MTSS2: variants seen among roughly 807,000 people sequenced by gnomAD.
MTSS2 encodes MTSS I-BAR domain containing 2, also known as protein MTSS 2.
A neutral mutation model predicts 67.1 loss-of-function variants in MTSS2; 27 were observed. The ratio of observed to expected loss-of-function variants is 0.40; its 90% CI spans 0.30 to 0.55. The LOEUF (loss-of-function observed/expected upper bound fraction) is 0.55, where lower values mean the gene tolerates loss of function less well. MTSS2 is among the 20% of genes least tolerant of loss of function. The pLI is 0.43. For synonymous variants in MTSS2, 624 were observed against 468.6 expected (o/e 1.33, Z -4.28); for missense variants, 1,171 against 1,067.8 (o/e 1.10, Z -1.35).
chr16:70,673,539 A>G (rs2053011226), intron 11 of MTSS2, among the ~76,000 whole-genome samples: 1 of 152,252 alleles, frequency 6.6e-6, no homozygotes, highest in South Asian at 2.1e-4. Flanking sequence ...ACAACTACAG[A>G]TCTATTCTAA....
intron 1 of MTSS2, among the ~76,000 whole-genome samples, chr16:70,685,205 G>A (rs1001749150): frequency 6.6e-6 from 1 of 152,124 alleles, no homozygotes; most frequent in African/African-American, 2.4e-5. Context: ...GGGCTGTGGG[G>A]GTGGGGCGGG....
At chr16:70,683,248 G>C (rs1308314557) in intron 1 of MTSS2, among the ~76,000 whole-genome samples, 1 of 150,924 alleles carries the variant, frequency 6.6e-6, no homozygotes. Context: ...AGGGCCCCCT[G>C]TCTGAGCCTC....
Position 70,664,094 on chromosome 16 carries a change from C to T in MTSS2, c.1827G>A (p.Arg609=), listed in dbSNP as rs148604621. ...PDSPGYMGPT[R]AGSEECVFYT... ...AGAAGACGCACTCCTCACTGCCCGC[C>T]CGTGTGGGCCCCATGTAGCCGGGGG... Residue 609 remains arginine (R), a synonymous_variant, in exon 15 of 15, where the codon CGG becomes CGA. Transcript: ENST00000338779. 2.3e-4 allele frequency: 377 copies of T among 1,611,914 alleles called. 1 individual carries two copies. The Middle Eastern group carries it at 4.3e-3, about 18-fold the overall frequency.
chr16:70,664,356 T>G lies in MTSS2; in HGVS notation c.1565A>C (p.Asn522Thr), dbSNP rs768090891. Residue 522 changes from asparagine to threonine, a missense_variant, in exon 15 of 15, where the codon AAC becomes ACC. Coordinates refer to ENST00000338779, the MANE Select transcript of MTSS2 (RefSeq NM_138383.3). ...CAGGCGGCGGTAGTTCTGGGCGATGTTGCTGTTGCGCGGGATGGTGGATGA... is the reference window on the plus strand; with the variant it reads ...CAGGCGGCGGTAGTTCTGGGCGATGGTGCTGTTGCGCGGGATGGTGGATGA... ...DKSSTIPRNS[N>T]IAQNYRRLIQ... 5 of 1,596,128 alleles carry G rather than the reference T, an allele frequency of 3.1e-6. No homozygotes were observed. The South Asian group carries it at 4.5e-5, about 14-fold the overall frequency.
intron 9 of MTSS2, 52 bp downstream of exon 9, chr16:70,677,740 C>A (rs563236648): frequency 4.2e-5 from 59 of 1,407,814 alleles, no homozygotes; most frequent in Non-Finnish European, 5.8e-5. Flanking sequence ...CCTAGGGCAG[C>A]CCATCTCCTC....
At chr16:70,677,666 C>A in intron 9 of MTSS2, 126 bp downstream of exon 9, 1 of 715,174 alleles carries the variant, frequency 1.4e-6, no homozygotes, top group Non-Finnish European at 2.3e-6. Context: ...CAGAAGGGGT[C>A]TGGTCTTATG....
At chr16:70,674,113 T>A (rs78943085) in intron 11 of MTSS2, among the ~76,000 whole-genome samples, 193 bp downstream of exon 11, 4,734 of 152,276 alleles carry the variant, frequency 0.031, 184 homozygotes, top group African/African-American at 0.087. Context: ...GATATAAAGA[T>A]ATGTGAATTT....
intron 10 of MTSS2, among the ~76,000 whole-genome samples, chr16:70,675,352 G>A (rs937427265): frequency 2.0e-5 from 3 of 152,048 alleles, no homozygotes; most frequent in African/African-American, 7.2e-5. Context: ...GAACCCGGGA[G>A]GTCGAGGCCA....
chr16:70,679,789 T>A lies in MTSS2; in HGVS notation c.379A>T (p.Lys127Ter). Residue 127 changes from lysine to a stop codon, truncating the protein, a stop_gained, in exon 5 of 15, where the codon AAA (lysine) becomes TAA (stop). Transcript: ENST00000338779. LOFTEE classifies it high-confidence loss of function. ...CCCGGCTCCGCGCCACCCTCACCTT[T>A]CGCGTGGTCCTTGTCCAGCTGGTTG... ...AANQLDKDHA[K>*]EYKRARHEIK... The A allele has an allele frequency of 6.2e-7, 1 of 1,611,410 alleles. No homozygotes were observed. Among genetic ancestry groups the A allele is most frequent in the Non-Finnish European group, 8.5e-7 (1 of 1,179,600 alleles).
chr16:70,669,761 G>A (rs2052857573), intron 11 of MTSS2, among the ~76,000 whole-genome samples: 2 of 150,572 alleles, frequency 1.3e-5, no homozygotes, highest in South Asian at 4.2e-4. Flanking sequence ...AGGTTGCAGT[G>A]AGCTGAGATC....
Position 70,664,931 on chromosome 16 carries a change from T to C in MTSS2, c.1294A>G (p.Ile432Val). The C allele has an allele frequency of 6.4e-7, 1 of 1,552,272 alleles. No homozygotes were observed. The highest frequency in any genetic ancestry group is 1.2e-5 in the South Asian group (1 of 84,896). Residue 432 changes from isoleucine to valine, a missense_variant, in exon 13 of 15, where the codon ATC becomes GTC. Physicochemically the swap from Ile to Val is conservative, Grantham distance 29. Around this residue, in one of 2 missense-constraint regions of MTSS2, gnomAD observed 924 missense variants for 756.0 expected, o/e 1.22. Coordinates refer to ENST00000338779, the MANE Select transcript of MTSS2 (RefSeq NM_138383.3). Reference protein sequence around the residue: ...APRPRMSPATIAAKHGEEVSP... With the variant: ...APRPRMSPATVAAKHGEEVSP... ...CCTGGCCAGCCTACCTTGGCTGCGA[T>C]GGTGGCAGGGGACATCCGGGGTCGC...
At position 70,665,508 on chromosome 16, in the gene MTSS2, C is replaced by T. The variant is rs149181634; in HGVS notation, c.1086G>A (p.Ser362=). ...ACTCGCTAACGGACTGGCAGGTTTCCGAGGCCTCGGAAGATGCAGAGCTGG... is the reference window on the plus strand; with the variant it reads ...ACTCGCTAACGGACTGGCAGGTTTCTGAGGCCTCGGAAGATGCAGAGCTGG... The part of the protein sequence containing the change: ...KSSSSASSEA[S]ETCQSVSECS... Residue 362 remains serine, a synonymous_variant, in exon 12 of 15, where the codon TCG becomes TCA. Coordinates refer to ENST00000338779, the MANE Select transcript of MTSS2 (RefSeq NM_138383.3). 92 of 1,548,850 alleles carry T rather than the reference C, an allele frequency of 5.9e-5. No homozygotes were observed. The East Asian group carries it at 6.1e-4, about 10-fold the overall frequency.
chr16:70,661,239 C>T lies in MTSS2; in HGVS notation c.*2438G>A, dbSNP rs981780979. On this transcript the variant is annotated 3_prime_UTR_variant, in exon 15 of 15. Coordinates refer to ENST00000338779, the MANE Select transcript of MTSS2 (RefSeq NM_138383.3). ...AGTACACCTTTATTAATACTGGAAT[C>T]TTCACAGTGCATCTGTTACTTGTAG... The T allele has an allele frequency of 6.6e-6, 3 of 455,520 alleles. No individual in the cohort carries two copies. The highest frequency in any genetic ancestry group is 1.3e-5 in the Non-Finnish European group (3 of 226,730). The allele number at this position is 455,520 out of a possible 1,614,324, so 28.2% of individuals were successfully genotyped here.
Position 70,678,249 on chromosome 16 carries a change from C to T in MTSS2, c.624+3G>A. ...CTGGGGTCTGAGTCCCCAGGAGTCC[C>T]ACCACCACAGGCTGCAGGAAGGTGA... is the stretch of plus-strand genomic sequence containing the variant. On this transcript the variant is annotated splice_donor_region_variant and intron_variant, in intron 8 of 14. Transcript: ENST00000338779. 5 of 1,605,040 alleles carry T rather than the reference C, an allele frequency of 3.1e-6. No homozygotes were observed. The highest frequency in any genetic ancestry group is 4.3e-6 in the Non-Finnish European group (5 of 1,176,276).
chr16:70,667,731 G>T lies in MTSS2; in HGVS notation c.1054-2191C>A, dbSNP rs144306629. 1.6e-3 allele frequency among the ~76,000 whole-genome samples: 239 copies of T among 152,002 alleles called. 5 individuals carry two copies. Among genetic ancestry groups the T allele is most frequent in the African/African-American group, 5.4e-3 (222 of 41,444 alleles). On this transcript the variant is annotated intron_variant, in intron 11 of 14. Transcript: ENST00000338779. ...CTACTAAAAATACAAAAATTAGCCC[G>T]GCGTGGTGGTACATGTCTATAATTC...
intron 1 of MTSS2, among the ~76,000 whole-genome samples, chr16:70,684,649 T>C (rs1555511805): frequency 6.6e-6 from 1 of 151,878 alleles, no homozygotes; most frequent in Non-Finnish European, 1.5e-5. Flanking sequence ...TGGGGGCCCT[T>C]GGGAGATCCT....
chr16:70,664,472 G>C lies in MTSS2; in HGVS notation c.1472-23C>G, dbSNP rs755098631. ...AGCCTGGGGGCACGGGACACAGTGA[G>C]GCCCAGGGCCCAGGTGGCCCCTTGC... On this transcript the variant is annotated intron_variant, in intron 14 of 14. Transcript: ENST00000338779. 7 of 1,536,988 alleles carry C rather than the reference G, an allele frequency of 4.6e-6. No homozygotes were observed. The South Asian group carries it at 7.6e-5, about 17-fold the overall frequency.
rs1022397528 is a variant in MTSS2 at position 70,681,977 on chromosome 16, C to T, written c.70-952G>A. ...ACCCTCCCTTCCATGTAGGATGGGG[C>T]GATGGAGGCTGGGGCTCTTCCTGAG... is the stretch of plus-strand genomic sequence containing the variant. On this transcript the variant is annotated intron_variant, in intron 1 of 14. Transcript: ENST00000338779. Among the ~76,000 whole-genome samples, 4 of 152,186 alleles carry T rather than the reference C, an allele frequency of 2.6e-5. No homozygotes were observed. In the South Asian group the frequency reaches 6.2e-4, roughly 24 times the overall value.
At position 70,663,873 on chromosome 16, in the gene MTSS2, G is replaced by A. The variant is rs1200691760; in HGVS notation, c.2048C>T (p.Ala683Val). The part of the protein sequence containing the change: ...SLVEKLGELV[A>V]GAHALGEGQF... ...GCCCTCACCCAGTGCGTGGGCACCC[G>A]CCACCAGCTCCCCCAGCTTCTCCAC... Residue 683 changes from alanine (A) to valine (V), a missense_variant, in exon 15 of 15, where the codon GCG becomes GTG. By Grantham distance (64) the Ala-to-Val change is moderately conservative (BLOSUM62 0). Transcript: ENST00000338779. 8 of 1,542,154 alleles carry A rather than the reference G, an allele frequency of 5.2e-6. No homozygotes were observed. Among genetic ancestry groups the A allele is most frequent in the Admixed American group, 3.9e-5 (2 of 50,912 alleles).
Sources: gnomAD v4.1 joint callset for allele counts (sites outside exome capture counted in the v4.1 genomes callset) on GRCh38, gnomAD v4.1.1 for gene constraint, gnomAD v4.1.1 regional missense constraint, MANE v1.5 for transcripts, NCBI Gene and HGNC (gene_info 2026-07-23, HGNC 2026-07-21) for gene names.